Variants in AFAP1 observed in about 807,000 individuals in gnomAD.
The protein encoded by AFAP1 is actin filament-associated protein 1.
Under a neutral mutation model 93.9 loss-of-function variants are expected in AFAP1, and 75 were observed. That is an observed-to-expected ratio of 0.80 (90% CI 0.66 to 0.97). AFAP1 has a LOEUF of 0.97. Among genes scored for constraint, AFAP1 ranks in the 50% least tolerant of loss-of-function variants. The pLI, the probability that AFAP1 is intolerant of heterozygous loss-of-function variation, is 0.00. For synonymous variants in AFAP1, 517 were observed against 430.7 expected (o/e 1.20, Z -2.48); for missense variants, 1,201 against 1,050.8 (o/e 1.14, Z -1.98).
chr4:7,872,105 T>G (rs1378620290), intron 1 of AFAP1, 25 bp from the exon 2 acceptor site: 35 of 1,612,580 alleles, frequency 2.2e-5, no homozygotes, highest in Non-Finnish European at 2.8e-5. Context: ...GGAAGAGTAT[T>G]ATTAGACCCA....
intron 11 of AFAP1, among the ~76,000 whole-genome samples, chr4:7,787,010 A>C (rs1717356294): frequency 6.6e-6 from 1 of 152,208 alleles, no homozygotes; most frequent in Non-Finnish European, 1.5e-5. Context: ...CGGCCCGAGA[A>C]ATCCTTTAGA....
chr4:7,889,974 C>A (rs1718359604), intron 1 of AFAP1, among the ~76,000 whole-genome samples: 1 of 129,048 alleles, frequency 7.7e-6, no homozygotes, highest in African/African-American at 2.9e-5. Context: ...GCAACACAAT[C>A]TCAATCAAGA....
chr4:7,819,543 T>A (rs1720781513), intron 6 of AFAP1, among the ~76,000 whole-genome samples: 1 of 152,048 alleles, frequency 6.6e-6, no homozygotes, highest in South Asian at 2.1e-4. Context: ...CTACTTTAGA[T>A]CAAGAGACCA....
intron 13 of AFAP1, among the ~76,000 whole-genome samples, chr4:7,780,186 C>T (rs1716612983): frequency 1.3e-5 from 2 of 152,234 alleles, no homozygotes; most frequent in Non-Finnish European, 2.9e-5. Flanking sequence ...AGGCCAACGG[C>T]TCCCCTACCC....
At chr4:7,912,716 A>G (rs559781320) in intron 1 of AFAP1, among the ~76,000 whole-genome samples, 5 of 152,090 alleles carry the variant, frequency 3.3e-5, no homozygotes, top group Non-Finnish European at 7.3e-5. Flanking sequence ...AGTTTCTCCC[A>G]GTCTGTAGCT....
At position 7,760,319 on chromosome 4, in the gene AFAP1, C is replaced by T. The variant is rs983387672; in HGVS notation, c.*3446G>A. On this transcript the variant is annotated 3_prime_UTR_variant, in exon 18 of 18. Coordinates refer to ENST00000420658, the MANE Select transcript of AFAP1 (RefSeq NM_001134647.2). ...CAGGGGAAGGTTAAGCCTGGCAACG[C>T]CAGGGCATAGGCACAGAGGGGCGAG... 6.6e-6 allele frequency: 1 copy of T among 152,236 alleles called. No individual in the cohort carries two copies. The highest frequency in any genetic ancestry group is 1.5e-5 in the Non-Finnish European group (1 of 68,056). The allele number at this position is 152,236 out of a possible 1,614,324, so 9.4% of individuals were successfully genotyped here. A position where few individuals can be genotyped will look rare whatever the true frequency, so the allele number is the denominator to read the frequency against.
intron 1 of AFAP1, among the ~76,000 whole-genome samples, chr4:7,935,155 T>A (rs540330135): frequency 2.6e-4 from 39 of 152,356 alleles, no homozygotes; most frequent in East Asian, 2.1e-3. Context: ...GGTTTTTTTT[T>A]AAATCTTAGG....
chr4:7,842,550 G>T (rs888011884), intron 5 of AFAP1: 1 of 152,016 alleles, frequency 6.6e-6, no homozygotes, highest in Non-Finnish European at 1.5e-5. Context: ...GGAGGAGGAA[G>T]GGACGCCACA....
chr4:7,879,276 T>C (rs189548966), intron 1 of AFAP1, among the ~76,000 whole-genome samples: 4 of 152,276 alleles, frequency 2.6e-5, no homozygotes, highest in Admixed American at 2.6e-4. Flanking sequence ...GCATTTTATC[T>C]CATCTGAGCC....
intron 15 of AFAP1, chr4:7,774,028 C>G (rs1715796635): frequency 6.6e-6 from 1 of 152,368 alleles, no homozygotes; most frequent in South Asian, 2.1e-4. Flanking sequence ...CAATCTCAAT[C>G]TAAGGAGCCA....
intron 4 of AFAP1, among the ~76,000 whole-genome samples, chr4:7,851,433 G>A (rs4619890): frequency 0.4 from 61,474 of 152,054 alleles, 14,071 homozygotes; most frequent in Non-Finnish European, 0.51. Flanking sequence ...TTGGATGATC[G>A]ACAATGGAGA....
At chr4:7,889,690 G>GTTT (rs377063737) in intron 1 of AFAP1, among the ~76,000 whole-genome samples, 1 of 107,196 alleles carries the variant, frequency 9.3e-6, no homozygotes, top group African/African-American at 3.2e-5. Flanking sequence ...TCAATGAAGC[G>GTTT]TTTTTTTTTT....
chr4:7,809,904 G>T, intron 8 of AFAP1, 141 bp from the exon 9 acceptor site: 1 of 967,090 alleles, frequency 1.0e-6, no homozygotes, highest in Non-Finnish European at 1.5e-6. Context: ...CTGTCCCCTG[G>T]CTGGAGTGCA....
chr4:7,846,896 T>C (rs1047777946), intron 4 of AFAP1, among the ~76,000 whole-genome samples: 1 of 152,190 alleles, frequency 6.6e-6, no homozygotes, highest in Non-Finnish European at 1.5e-5. Context: ...GCTTGGTGAA[T>C]GACAGGACTG....
Position 7,939,821 on chromosome 4 carries a change from C to T in AFAP1, c.-168G>A. 3.3e-6 allele frequency: 1 copy of T among 300,310 alleles called. No homozygotes were observed. The highest frequency in any genetic ancestry group is 6.4e-6 in the Non-Finnish European group (1 of 157,184). 18.6% of individuals were successfully genotyped at this position (300,310 alleles called of 1,614,324 possible). A position where few individuals can be genotyped will look rare whatever the true frequency, so the allele number is the denominator to read the frequency against. On this transcript the variant is annotated 5_prime_UTR_variant, in exon 1 of 18. Transcript: ENST00000420658. This position sits in a 1 kb window ranked among gnomAD's most constrained non-coding sequence, Gnocchi z 5.6. Reference sequence around the variant, plus strand: ...ACCCCGCTCGAGATCCGGCTCGGCTCGCGGAGCTGCAGCCGGCGTGGGGCT... The same window carrying T: ...ACCCCGCTCGAGATCCGGCTCGGCTTGCGGAGCTGCAGCCGGCGTGGGGCT...
chr4:7,867,060 G>C (rs888193586), intron 3 of AFAP1, among the ~76,000 whole-genome samples: 4 of 131,912 alleles, frequency 3.0e-5, no homozygotes, highest in African/African-American at 8.5e-5. Context: ...AGATGAAAGA[G>C]GGGAGGGGAG....
At chr4:7,844,422 T>C (rs1456218524) in intron 4 of AFAP1, among the ~76,000 whole-genome samples, 2 of 152,200 alleles carry the variant, frequency 1.3e-5, no homozygotes, top group Admixed American at 6.5e-5. Context: ...GACGAGCTTC[T>C]GCTGTGGAAG....
chr4:7,927,045 A>C (rs543448137), intron 1 of AFAP1, among the ~76,000 whole-genome samples: 1 of 152,214 alleles, frequency 6.6e-6, no homozygotes, highest in Non-Finnish European at 1.5e-5. Context: ...TGGCAAAATG[A>C]CTCCCTTCCA....
At chr4:7,929,743 C>G (rs573717963) in intron 1 of AFAP1, among the ~76,000 whole-genome samples, 1 of 152,192 alleles carries the variant, frequency 6.6e-6, no homozygotes, top group Non-Finnish European at 1.5e-5. Flanking sequence ...CACACAGAGG[C>G]GGCACTCAGG....
Sources: gnomAD v4.1 joint callset for allele counts (sites outside exome capture counted in the v4.1 genomes callset) on GRCh38, gnomAD v4.1.1 for gene constraint, Gnocchi (gnomAD v3.1) non-coding constraint, MANE v1.5 for transcripts, NCBI Gene and HGNC (gene_info 2026-07-23, HGNC 2026-07-21) for gene names.